TTC27: variants seen among roughly 807,000 people sequenced by gnomAD.
The protein encoded by TTC27 is tetratricopeptide repeat domain 27, also known as tetratricopeptide repeat protein 27.
TTC27 carries 79 observed loss-of-function variants against 115.9 expected under a neutral mutation model. The ratio of observed to expected loss-of-function variants is 0.68; its 90% confidence interval spans 0.57 to 0.82. The LOEUF is 0.82. TTC27 is among the 40% of genes least tolerant of loss of function. The pLI is 0.00. For synonymous variants in TTC27, 401 were observed against 356.0 expected (o/e 1.13, Z -1.42); for missense variants, 1,054 against 993.1 (o/e 1.06, Z -0.82).
At chr2:32,695,675 C>T (rs1050534047) in intron 9 of TTC27, among the ~76,000 whole-genome samples, 1 of 145,232 alleles carries the variant, frequency 6.9e-6, no homozygotes, top group Non-Finnish European at 1.5e-5. Flanking sequence ...GCTGAGATCG[C>T]GCCACCACAC....
chr2:32,734,779 T>G (rs1411202589), intron 11 of TTC27, among the ~76,000 whole-genome samples: 2 of 152,314 alleles, frequency 1.3e-5, no homozygotes, highest in African/African-American at 4.8e-5. Flanking sequence ...TTTTAATCTA[T>G]CTCTTTTCCT....
At chr2:32,658,412 G>T (rs1665415277) in intron 5 of TTC27, among the ~76,000 whole-genome samples, 1 of 152,152 alleles carries the variant, frequency 6.6e-6, no homozygotes, top group Admixed American at 6.5e-5. Context: ...TCTGTGCCCA[G>T]CCTGAGCTCA....
chr2:32,776,800 G>A (rs1476466549), intron 13 of TTC27, among the ~76,000 whole-genome samples: 7 of 152,022 alleles, frequency 4.6e-5, no homozygotes, highest in African/African-American at 1.7e-4. Flanking sequence ...GTTGAGACGG[G>A]GGCTTCACCA....
At chr2:32,705,461 CT>C (rs765769558) in intron 10 of TTC27, among the ~76,000 whole-genome samples, 3 of 152,122 alleles carry the variant, frequency 2.0e-5, no homozygotes, top group Non-Finnish European at 4.4e-5. Context: ...AGCATTTATT[CT>C]TTTCTTTTTA....
intron 3 of TTC27, among the ~76,000 whole-genome samples, chr2:32,637,259 C>T (rs939751727): frequency 5.3e-5 from 8 of 152,004 alleles, no homozygotes; most frequent in Non-Finnish European, 8.8e-5. Context: ...AAGATAATGA[C>T]CTGAAATTTG....
intron 14 of TTC27, chr2:32,780,062 A>C (rs1276705510): frequency 4.3e-6 from 2 of 465,330 alleles, no homozygotes; most frequent in Non-Finnish European, 9.0e-6. Flanking sequence ...AGGTCTGTGC[A>C]TATTCCACTG....
intron 13 of TTC27, among the ~76,000 whole-genome samples, chr2:32,759,277 AC>A (rs1225455365): frequency 6.6e-6 from 1 of 152,238 alleles, no homozygotes; most frequent in Non-Finnish European, 1.5e-5. Flanking sequence ...TGCTGTAATC[AC>A]CAGTTAAAAT....
chr2:32,640,223 A>G, intron 3 of TTC27, 47 bp from the exon 4 acceptor site: 3 of 1,526,734 alleles, frequency 2.0e-6, no homozygotes, highest in South Asian at 1.2e-5. Context: ...TATAAAGATT[A>G]ATATTTTGTT....
intron 8 of TTC27, among the ~76,000 whole-genome samples, chr2:32,673,822 C>T (rs1161593719): frequency 6.6e-6 from 1 of 151,962 alleles, no homozygotes; most frequent in Non-Finnish European, 1.5e-5. Flanking sequence ...TGGTGAAATC[C>T]TGTCTCTACT....
chr2:32,711,793 A>T (rs909589806), intron 10 of TTC27, among the ~76,000 whole-genome samples: 2 of 152,106 alleles, frequency 1.3e-5, no homozygotes, highest in Non-Finnish European at 2.9e-5. Flanking sequence ...TACAAAAATT[A>T]ACTGGGCGTG....
At chr2:32,751,303 T>G (rs368483802) in intron 12 of TTC27, among the ~76,000 whole-genome samples, 1 of 94,072 alleles carries the variant, frequency 1.1e-5, no homozygotes, top group Non-Finnish European at 2.4e-5. Flanking sequence ...CACACACACA[T>G]GCACACACAT....
chr2:32,736,829 C>A lies in TTC27; in HGVS notation c.1452+13C>A, dbSNP rs537223564. 1.6e-5 allele frequency: 26 copies of A among 1,612,490 alleles called. No individual in the cohort carries two copies. In the East Asian group the frequency reaches 5.4e-4, roughly 33 times the overall value. On this transcript the variant is annotated intron_variant, in intron 12 of 19. Transcript: ENST00000317907. ...GCAGCACGGAAAGGTATGTAATAGTCCAATTTGATGTACTGGTGAGAGCCT... is the reference window on the plus strand; with the variant it reads ...GCAGCACGGAAAGGTATGTAATAGTACAATTTGATGTACTGGTGAGAGCCT...
intron 14 of TTC27, among the ~76,000 whole-genome samples, chr2:32,780,953 G>T (rs1670155978): frequency 6.6e-6 from 1 of 151,326 alleles, no homozygotes; most frequent in South Asian, 2.1e-4. Flanking sequence ...GTATATGCAT[G>T]CCAGGTAGTC....
intron 10 of TTC27, among the ~76,000 whole-genome samples, chr2:32,703,737 A>G (rs1667269580): frequency 6.6e-6 from 1 of 152,248 alleles, no homozygotes; most frequent in Non-Finnish European, 1.5e-5. Context: ...CTCTTAAACT[A>G]TCCATGATGC....
intron 9 of TTC27, among the ~76,000 whole-genome samples, chr2:32,693,659 T>TA (rs989664990): frequency 3.3e-5 from 5 of 152,208 alleles, no homozygotes; most frequent in Non-Finnish European, 5.9e-5. Context: ...ATGGGCATCT[T>TA]ACCCCTACAT....
chr2:32,710,171 G>A lies in TTC27; in HGVS notation c.1233+7251G>A, dbSNP rs199613686. Among the ~76,000 whole-genome samples the A allele has an allele frequency of 9.2e-5, 14 of 151,736 alleles. No individual in the cohort carries two copies. In the East Asian group the frequency reaches 1.8e-3, roughly 19 times the overall value. On this transcript the variant is annotated intron_variant, in intron 10 of 19. Transcript: ENST00000317907. ...GCTGGGACTATAGGCATGCACCACC[G>A]ACTTAATTTTTTGTATTTTTAGTAG... is the stretch of plus-strand genomic sequence containing the variant.
chr2:32,683,922 A>G (rs1301478291), intron 9 of TTC27, among the ~76,000 whole-genome samples: 1 of 152,066 alleles, frequency 6.6e-6, no homozygotes, highest in East Asian at 1.9e-4. Context: ...TTGGGAGGCC[A>G]AGGTGGGCAG....
At position 32,628,711 on chromosome 2, in the gene TTC27, A is replaced by G. The variant is rs926244087; in HGVS notation, c.88+331A>G. Among the ~76,000 whole-genome samples, 30 of 152,020 alleles carry G rather than the reference A, an allele frequency of 2.0e-4. 2 individuals are homozygous for G. Among genetic ancestry groups the G allele is most frequent in the Middle Eastern group, 3.4e-3 (1 of 294 alleles). On this transcript the variant is annotated intron_variant, in intron 1 of 19. Coordinates refer to ENST00000317907, the MANE Select transcript of TTC27 (RefSeq NM_017735.5). ...CATTTTGCGGTGAAGATCTGTAAATACAGTTGGGTTAAGTAATTTTATTTT... is the reference window on the plus strand; with the variant it reads ...CATTTTGCGGTGAAGATCTGTAAATGCAGTTGGGTTAAGTAATTTTATTTT...
rs1665792836 is a variant in TTC27 at position 32,666,754 on chromosome 2, G to A, written c.925G>A (p.Glu309Lys). The A allele has an allele frequency of 1.2e-6, 2 of 1,612,226 alleles. No individual in the cohort carries two copies. The highest frequency in any genetic ancestry group is 1.7e-6 in the Non-Finnish European group (2 of 1,179,142). The change falls in exon 7 of 20, where the codon GAA becomes AAA. Residue 309 changes from glutamate (E) to lysine (K), a missense_variant. Glu to Lys is a moderately conservative substitution (Grantham distance 56). Transcript: ENST00000317907. Reference sequence around the variant, plus strand: ...ATTCACTCCAGCACCCACTCCTCAGGAACATTTAACCAAGGCAAGTAGGAC... The same window carrying A: ...ATTCACTCCAGCACCCACTCCTCAGAAACATTTAACCAAGGCAAGTAGGAC... ...CEFTPAPTPQEHLTKNLELND... is the reference protein window; with the variant it reads ...CEFTPAPTPQKHLTKNLELND...
Sources: gnomAD v4.1 joint callset for allele counts (sites outside exome capture counted in the v4.1 genomes callset) on GRCh38, gnomAD v4.1.1 for gene constraint, MANE v1.5 for transcripts, NCBI Gene and HGNC (gene_info 2026-07-23, HGNC 2026-07-21) for gene names.